The following DNAJC1 variants were observed in gnomAD, a reference collection of about 807,000 sequenced individuals.
DNAJC1 encodes the protein DnaJ heat shock protein family (Hsp40) member C1.
DNAJC1 carries 58 observed loss-of-function variants against 76.6 expected under a neutral mutation model. The observed-to-expected ratio is 0.76, with a 90% CI of 0.61 to 0.94. The LOEUF is 0.94. Ranked by LOEUF, DNAJC1 falls within the 40% of genes least tolerant of loss-of-function variation. The pLI, the probability that DNAJC1 is intolerant of heterozygous loss-of-function variation, is 0.00. For missense variants in DNAJC1, 689 were observed against 677.3 expected (o/e 1.02, Z -0.19); for synonymous variants, 258 against 267.9 (o/e 0.96, Z 0.36).
At chr10:21,848,951 A>C (rs2487512) in intron 8 of DNAJC1, among the ~76,000 whole-genome samples, 100,424 of 151,986 alleles carry the variant, frequency 0.66, 33,613 homozygotes, top group East Asian at 0.96. Flanking sequence ...AAGCATACCA[A>C]AATGTATGAA....
At chr10:21,834,839 A>G (rs2666773) in intron 8 of DNAJC1, among the ~76,000 whole-genome samples, 1 of 152,086 alleles carries the variant, frequency 6.6e-6, no homozygotes, top group Non-Finnish European at 1.5e-5. Context: ...AAGCTCGAAC[A>G]GGGTGGAGCC....
chr10:21,922,898 G>T (rs1416994392), intron 3 of DNAJC1, among the ~76,000 whole-genome samples: 1 of 151,926 alleles, frequency 6.6e-6, no homozygotes, highest in Non-Finnish European at 1.5e-5. Context: ...CTAAGAAAAT[G>T]GAGACAATTC....
chr10:21,766,229 A>C (rs1029210964), intron 10 of DNAJC1, 32 bp downstream of exon 10: 1 of 1,511,436 alleles, frequency 6.6e-7, no homozygotes, highest in Non-Finnish European at 9.2e-7. Flanking sequence ...AAACCACTTT[A>C]GATTAATGAG....
chr10:21,927,512 T>C (rs1242708624), intron 3 of DNAJC1, among the ~76,000 whole-genome samples: 1 of 152,220 alleles, frequency 6.6e-6, no homozygotes, highest in Non-Finnish European at 1.5e-5. Flanking sequence ...CAGGTACTCT[T>C]GTATCGTAGA....
Position 21,759,511 on chromosome 10 carries a change from C to A in DNAJC1, c.1255G>T (p.Gly419Trp), listed in dbSNP as rs200747447. 2.9e-5 allele frequency: 47 copies of A among 1,614,072 alleles called. No individual in the cohort carries two copies. The highest frequency in any genetic ancestry group is 1.6e-4 in the Middle Eastern group (1 of 6,084). Residue 419 changes from glycine to tryptophan, a missense_variant, in exon 11 of 12, where the codon GGG (glycine) becomes TGG (tryptophan). Coordinates refer to ENST00000376980, the MANE Select transcript of DNAJC1 (RefSeq NM_022365.4). ...TCCTGCTCCTCCTCCGCTGCCACCCCCTCTGCGTCCTCTCGCTGGGTGATC... is the reference window on the plus strand; with the variant it reads ...TCCTGCTCCTCCTCCGCTGCCACCCACTCTGCGTCCTCTCGCTGGGTGATC... ...DMITQREDAE[G>W]VAAEEEQEGD...
intron 8 of DNAJC1, among the ~76,000 whole-genome samples, chr10:21,867,264 G>A (rs537319616): frequency 1.4e-4 from 21 of 152,148 alleles, no homozygotes; most frequent in South Asian, 6.2e-4. Context: ...AGGAGACAGC[G>A]AGCGAATATA....
chr10:21,771,504 CTT>C (rs58483474), intron 9 of DNAJC1, among the ~76,000 whole-genome samples: 3 of 146,324 alleles, frequency 2.1e-5, no homozygotes, highest in Non-Finnish European at 3.0e-5. Context: ...TTGTCAAACA[CTT>C]TTTTTTTTTT....
chr10:21,829,777 T>C (rs1242891122), intron 8 of DNAJC1, among the ~76,000 whole-genome samples: 4 of 152,278 alleles, frequency 2.6e-5, no homozygotes, highest in Non-Finnish European at 5.9e-5. Context: ...TTATAGCCTA[T>C]TTTCATTTAT....
chr10:21,760,654 A>C (rs1424765569), intron 10 of DNAJC1, among the ~76,000 whole-genome samples: 1 of 152,246 alleles, frequency 6.6e-6, no homozygotes, highest in East Asian at 1.9e-4. Context: ...CTGAGGAATT[A>C]AGTTTTTAAC....
chr10:21,876,143 C>T (rs1836185022), intron 8 of DNAJC1, among the ~76,000 whole-genome samples: 1 of 150,614 alleles, frequency 6.6e-6, no homozygotes, highest in African/African-American at 2.4e-5. Flanking sequence ...GACAGTCTTG[C>T]TCTGTCGCCT....
intron 9 of DNAJC1, among the ~76,000 whole-genome samples, chr10:21,787,922 C>T (rs1178764900): frequency 1.3e-5 from 2 of 152,248 alleles, no homozygotes; most frequent in African/African-American, 2.4e-5. Context: ...GCCACACCAT[C>T]TTGTAACTGG....
At chr10:21,946,290 T>C (rs1761644695) in intron 1 of DNAJC1, among the ~76,000 whole-genome samples, 1 of 151,920 alleles carries the variant, frequency 6.6e-6, no homozygotes, top group Non-Finnish European at 1.5e-5. Flanking sequence ...TCTGCCCGCC[T>C]CAGCCTCCCA....
intron 1 of DNAJC1, among the ~76,000 whole-genome samples, chr10:21,995,628 T>G (rs569564690): frequency 1.4e-4 from 21 of 152,360 alleles, no homozygotes; most frequent in Non-Finnish European, 1.6e-4. Flanking sequence ...CAGAGCTTAA[T>G]GCCTACTGCC....
chr10:21,916,176 T>G (rs1319255013), intron 6 of DNAJC1, among the ~76,000 whole-genome samples: 1 of 152,046 alleles, frequency 6.6e-6, no homozygotes, highest in African/African-American at 2.4e-5. Context: ...TACAAGAAAC[T>G]TCAATCAGTG....
chr10:21,833,854 T>C (rs773919787), intron 8 of DNAJC1, among the ~76,000 whole-genome samples: 1 of 152,118 alleles, frequency 6.6e-6, no homozygotes, highest in Non-Finnish European at 1.5e-5. Flanking sequence ...TACTATATAA[T>C]GTAAAGCATT....
chr10:21,960,271 C>A (rs1409326872), intron 1 of DNAJC1, among the ~76,000 whole-genome samples: 1 of 152,092 alleles, frequency 6.6e-6, no homozygotes, highest in African/African-American at 2.4e-5. Flanking sequence ...TTAATTTAAT[C>A]TAGATAACCA....
At chr10:21,809,592 G>GAT (rs967008671) in intron 8 of DNAJC1, among the ~76,000 whole-genome samples, 8 of 150,974 alleles carry the variant, frequency 5.3e-5, no homozygotes, top group African/African-American at 9.7e-5. Context: ...CACATTATTA[G>GAT]ATATATATAC....
chr10:21,889,803 T>A (rs1225991848), intron 7 of DNAJC1, among the ~76,000 whole-genome samples: 1 of 152,206 alleles, frequency 6.6e-6, no homozygotes, highest in East Asian at 1.9e-4. Flanking sequence ...TAGGCATTTA[T>A]CTTTTGTCTA....
intron 1 of DNAJC1, among the ~76,000 whole-genome samples, chr10:21,964,151 C>T (rs1024715584): frequency 1.3e-5 from 2 of 152,082 alleles, no homozygotes; most frequent in Non-Finnish European, 1.5e-5. Context: ...ATATAAAAAC[C>T]TTAGAATATT....
Sources: gnomAD v4.1 joint callset for allele counts (sites outside exome capture counted in the v4.1 genomes callset) on GRCh38, gnomAD v4.1.1 for gene constraint, MANE v1.5 for transcripts, NCBI Gene and HGNC (gene_info 2026-07-23, HGNC 2026-07-21) for gene names.